The following CHD9 variants were observed in gnomAD, a reference collection of about 807,000 sequenced individuals.
CHD9 encodes the protein chromodomain helicase DNA binding protein 9.
A neutral mutation model predicts 316.1 loss-of-function variants in CHD9; 77 were observed. The observed-to-expected ratio is 0.24, with a 90% confidence interval of 0.20 to 0.29. CHD9 has a LOEUF of 0.29. CHD9 is among the 10% of genes least tolerant of loss of function. CHD9 has a pLI of 1.00. For synonymous variants in CHD9, 1,129 were observed against 1,158.3 expected (o/e 0.97, Z 0.51); for missense variants, 2,763 against 3,438.1 (o/e 0.80, Z 4.91).
chr16:53,216,667 G>A (rs1162681187), intron 3 of CHD9, among the ~76,000 whole-genome samples: 4 of 152,144 alleles, frequency 2.6e-5, no homozygotes, highest in African/African-American at 9.6e-5. Context: ...AATTTTAAGT[G>A]TTCTATAAAT....
chr16:53,128,235 T>G (rs1269981798), intron 1 of CHD9, among the ~76,000 whole-genome samples: 1 of 151,660 alleles, frequency 6.6e-6, no homozygotes, highest in African/African-American at 2.4e-5. Flanking sequence ...CAGGATGGAG[T>G]GCAATGGCGC....
intron 1 of CHD9, among the ~76,000 whole-genome samples, chr16:53,137,042 C>T (rs182516420): frequency 1.3e-4 from 19 of 151,638 alleles, no homozygotes; most frequent in Admixed American, 3.3e-4. Flanking sequence ...GGTGCAATCT[C>T]GGCTCACTGC....
At chr16:53,263,865 G>A (rs541302073) in intron 20 of CHD9, among the ~76,000 whole-genome samples, 1 of 152,042 alleles carries the variant, frequency 6.6e-6, no homozygotes, top group Non-Finnish European at 1.5e-5. Flanking sequence ...TTGGCATATG[G>A]CATGTTCATA....
chr16:53,325,072 T>C lies in CHD9; in HGVS notation c.*177T>C. 2 of 547,344 alleles carry C rather than the reference T, an allele frequency of 3.7e-6. No homozygotes were observed. The highest frequency in any genetic ancestry group is 3.4e-5 in the South Asian group (1 of 29,696). The allele number at this position is 547,344 out of a possible 1,614,324, so 33.9% of individuals were successfully genotyped here. ...TGCATGTAATATTTCTTAAGATTCA[T>C]AAGTTTCTGAACTCGTATGTACTAT... On this transcript the variant is annotated 3_prime_UTR_variant, in exon 39 of 39. Transcript: ENST00000447540.
At chr16:53,151,762 A>G (rs2041137927) in intron 1 of CHD9, among the ~76,000 whole-genome samples, 3 of 152,070 alleles carry the variant, frequency 2.0e-5, no homozygotes, top group Admixed American at 2.0e-4. Context: ...CTATTTCTGT[A>G]TTGATATTCT....
rs1159710192 is a variant in CHD9, at chr16:53,297,112, A to G, written c.5667A>G (p.Ala1889=). 43 of 1,613,816 alleles carry G rather than the reference A, an allele frequency of 2.7e-5. No homozygotes were observed. Among genetic ancestry groups the G allele is most frequent in the Non-Finnish European group, 3.2e-5 (38 of 1,179,846 alleles). ...ATAGTTTGGAAAAATATTTGTACGC[A>G]TTCATGTCCATGTGTCGGAGGGTTT... ...TDDSLEKYLY[A]FMSMCRRVCR... Residue 1889 remains alanine (A), a synonymous_variant, in exon 30 of 39, where the codon GCA becomes GCG. Coordinates refer to ENST00000447540, the MANE Select transcript of CHD9 (RefSeq NM_001308319.2).
At chr16:53,129,074 A>G (rs2039099322) in intron 1 of CHD9, among the ~76,000 whole-genome samples, 1 of 152,236 alleles carries the variant, frequency 6.6e-6, no homozygotes, top group African/African-American at 2.4e-5. Flanking sequence ...AATTTTGCAT[A>G]TTTTAGAGAA....
intron 27 of CHD9, 149 bp from the exon 28 acceptor site, chr16:53,291,576 T>C (rs987550619): frequency 7.4e-6 from 4 of 536,940 alleles, no homozygotes; most frequent in African/African-American, 4.0e-5. Context: ...GAATAAGCAG[T>C]TGAAAGTTTT....
At chr16:53,211,816 C>A (rs1464844296) in intron 3 of CHD9, among the ~76,000 whole-genome samples, 1 of 152,080 alleles carries the variant, frequency 6.6e-6, no homozygotes, top group African/African-American at 2.4e-5. Flanking sequence ...CATATACAAT[C>A]CAGAATTCCA....
chr16:53,231,618 A>T, intron 9 of CHD9, 29 bp from the exon 10 acceptor site: 1 of 1,507,410 alleles, frequency 6.6e-7, no homozygotes, highest in Non-Finnish European at 9.0e-7. Flanking sequence ...GTCTTTTTCA[A>T]AATGGTAAAT....
intron 33 of CHD9, 129 bp from the exon 34 acceptor site, chr16:53,308,557 G>A (rs2056192290): frequency 1.5e-6 from 1 of 658,986 alleles, no homozygotes; most frequent in Non-Finnish European, 2.7e-6. Context: ...TTATGAATGA[G>A]AAATGAACTT....
intron 1 of CHD9, among the ~76,000 whole-genome samples, chr16:53,063,974 C>T (rs1268074543): frequency 1.3e-5 from 2 of 151,580 alleles, no homozygotes; most frequent in Non-Finnish European, 2.9e-5. Flanking sequence ...GCTGGGGGTA[C>T]AGACCTATGA....
At chr16:53,131,934 C>G (rs1219076980) in intron 1 of CHD9, among the ~76,000 whole-genome samples, 1 of 152,236 alleles carries the variant, frequency 6.6e-6, no homozygotes, top group Non-Finnish European at 1.5e-5. Context: ...CCGTCATTTT[C>G]TGGGTACCTG....
At chr16:53,208,847 CTTGT>C (rs1403328752) in intron 2 of CHD9, 1 of 503,348 alleles carries the variant, frequency 2.0e-6, no homozygotes, top group African/African-American at 2.1e-5. Context: ...AACTGTAAAA[CTTGT>C]TTATTTCCCA....
intron 2 of CHD9, among the ~76,000 whole-genome samples, chr16:53,159,764 T>C (rs1464580197): frequency 6.6e-6 from 1 of 152,092 alleles, no homozygotes; most frequent in East Asian, 1.9e-4. Context: ...TGTGTGCCAC[T>C]ATGCCCAGCT....
intron 24 of CHD9, among the ~76,000 whole-genome samples, chr16:53,275,195 T>C (rs2052692912): frequency 6.6e-6 from 1 of 151,948 alleles, no homozygotes; most frequent in African/African-American, 2.4e-5. Flanking sequence ...ACCTGCCTAA[T>C]TTTTGTATTT....
At chr16:53,193,932 T>C (rs187806945) in intron 2 of CHD9, among the ~76,000 whole-genome samples, 8 of 152,338 alleles carry the variant, frequency 5.3e-5, no homozygotes, top group Admixed American at 4.6e-4. Flanking sequence ...ATTACTGTTA[T>C]AAAACAAATA....
At chr16:53,170,343 C>A (rs1284549909) in intron 2 of CHD9, among the ~76,000 whole-genome samples, 1 of 152,076 alleles carries the variant, frequency 6.6e-6, no homozygotes, top group Non-Finnish European at 1.5e-5. Flanking sequence ...TGTTAAAAAT[C>A]AATGTCGTAA....
At chr16:53,204,055 A>G (rs1237300790) in intron 2 of CHD9, among the ~76,000 whole-genome samples, 1 of 101,656 alleles carries the variant, frequency 9.8e-6, no homozygotes, top group African/African-American at 3.6e-5. Context: ...AAAAATATAT[A>G]TATACACACA....
Sources: allele counts gnomAD v4.1 joint callset (sites outside exome capture counted in the v4.1 genomes callset), GRCh38; gene constraint gnomAD v4.1.1; transcripts MANE v1.5; gene names NCBI Gene and HGNC (gene_info 2026-07-23, HGNC 2026-07-21).